Variants in SMAD7 observed in about 807,000 individuals in gnomAD.
The protein encoded by SMAD7 is SMAD family member 7.
SMAD7 carries 8 observed loss-of-function variants against 38.7 expected under a neutral mutation model. That is an observed-to-expected ratio of 0.21 (90% CI 0.12 to 0.37). The LOEUF is 0.37. SMAD7 is among the 10% of genes least tolerant of loss of function. The pLI is 1.00. For missense variants in SMAD7, 477 were observed against 577.9 expected (o/e 0.83, Z 1.79); for synonymous variants, 327 against 265.1 (o/e 1.23, Z -2.27).
intron 1 of SMAD7, 136 bp downstream of exon 1, chr18:48,949,676 G>A (rs1474249718): frequency 7.6e-6 from 7 of 923,642 alleles, no homozygotes; most frequent in Non-Finnish European, 9.3e-6. Context: ...ACTCTCCCAG[G>A]AGGGTATGCA....
At chr18:48,947,207 C>T (rs1041832029) in intron 2 of SMAD7, among the ~76,000 whole-genome samples, 4 of 152,180 alleles carry the variant, frequency 2.6e-5, no homozygotes, top group Non-Finnish European at 5.9e-5. Context: ...GCTTTGCGGG[C>T]CACTTATTAG....
At chr18:48,929,251 A>G (rs1239000468) in intron 3 of SMAD7, among the ~76,000 whole-genome samples, 1 of 152,160 alleles carries the variant, frequency 6.6e-6, no homozygotes, top group African/African-American at 2.4e-5. Flanking sequence ...AAGGGGGTTC[A>G]CATATTAGCA....
chr18:48,929,713 G>T (rs929463606), intron 3 of SMAD7, among the ~76,000 whole-genome samples: 10 of 152,052 alleles, frequency 6.6e-5, no homozygotes, highest in African/African-American at 1.9e-4. Context: ...CAGGTGGTGG[G>T]GGGGCTCTGT....
chr18:48,923,556 G>A (rs1411731588), intron 3 of SMAD7, among the ~76,000 whole-genome samples: 1 of 152,144 alleles, frequency 6.6e-6, no homozygotes, highest in Non-Finnish European at 1.5e-5. Context: ...TGCACACTGC[G>A]GCCTGCTGGG....
Position 48,950,435 on chromosome 18 carries a change from G to C in SMAD7, c.-11C>G. ...TTTGGTCCTGAACATGCGGGGCGAG[G>C]AGGCGAGGAGAAAAGTCGTTTGCCT... is the stretch of plus-strand genomic sequence containing the variant. On this transcript the variant is annotated 5_prime_UTR_variant, in exon 1 of 4. Coordinates refer to ENST00000262158, the MANE Select transcript of SMAD7 (RefSeq NM_005904.4). 1 of 1,544,636 alleles carries C rather than the reference G, an allele frequency of 6.5e-7. No individual in the cohort carries two copies. Among genetic ancestry groups the C allele is most frequent in the African/African-American group, 1.4e-5 (1 of 70,398 alleles).
At chr18:48,924,258 T>C (rs1568297750) in intron 3 of SMAD7, among the ~76,000 whole-genome samples, 1 of 152,066 alleles carries the variant, frequency 6.6e-6, no homozygotes, top group Non-Finnish European at 1.5e-5. Flanking sequence ...AGCCTCACAA[T>C]GCTTTGTTTC....
chr18:48,939,690 T>G (rs1280111585), intron 3 of SMAD7, among the ~76,000 whole-genome samples: 1 of 151,138 alleles, frequency 6.6e-6, no homozygotes, highest in African/African-American at 2.4e-5. Context: ...CTGAGCCCCA[T>G]TCATTAAGCC....
In SMAD7 at chr18:48,950,849, T is replaced by C. The variant is rs1349891972; in HGVS notation, c.-425A>G. The stretch of plus-strand genomic sequence containing the variant: ...GGCTCGCCAGCCTCGGCTTCCTACA[T>C]GGAAGGTCCGCGGGGGCAAAAAACG... On this transcript the variant is annotated 5_prime_UTR_variant, in exon 1 of 4. An upstream start codon of the reference 5' UTR is lost. Transcript: ENST00000262158. 2 of 151,012 alleles carry C rather than the reference T, an allele frequency of 1.3e-5. No homozygotes were observed. The highest frequency in any genetic ancestry group is 4.9e-5 in the African/African-American group (2 of 41,128). The allele number at this position is 151,012 out of a possible 1,614,324, so 9.4% of individuals were successfully genotyped here.
chr18:48,945,934 C>T (rs2070189856), intron 2 of SMAD7, among the ~76,000 whole-genome samples: 1 of 152,152 alleles, frequency 6.6e-6, no homozygotes, highest in African/African-American at 2.4e-5. Flanking sequence ...ACTGGCCTCC[C>T]CTAGGTTCAG....
chr18:48,938,947 G>A, intron 3 of SMAD7, among the ~76,000 whole-genome samples: 1 of 152,116 alleles, frequency 6.6e-6, no homozygotes, highest in Admixed American at 6.5e-5. Context: ...CAGAGAGTCA[G>A]GCACAGACTG....
At chr18:48,943,242 C>T (rs2070162314) in intron 2 of SMAD7, among the ~76,000 whole-genome samples, 9 of 152,316 alleles carry the variant, frequency 5.9e-5, no homozygotes. Flanking sequence ...TGGAAACCTT[C>T]CCAGGCAACC....
At position 48,949,913 on chromosome 18, in the gene SMAD7, G is replaced by A. The variant is rs1599238609; in HGVS notation, c.512C>T (p.Ser171Phe). The change falls in exon 1 of 4, where the codon TCC becomes TTC. Residue 171 changes from serine to phenylalanine, a missense_variant. This residue lies in a region of SMAD7 where 376 missense variants were observed against 379.4 expected (regional missense o/e 0.99). Transcript: ENST00000262158. Reference protein sequence around the residue: ...KVFRWPDLRHSSEVKRLCCCE... With the variant: ...KVFRWPDLRHFSEVKRLCCCE... Reference sequence around the variant, plus strand: ...GCAACACAGCCTCTTGACTTCCGAGGAATGCCTGAGATCCGGCCACCTGAA... The same window carrying A: ...GCAACACAGCCTCTTGACTTCCGAGAAATGCCTGAGATCCGGCCACCTGAA... The A allele has an allele frequency of 1.2e-6, 2 of 1,613,744 alleles. No homozygotes were observed. Among genetic ancestry groups the A allele is most frequent in the Non-Finnish European group, 1.7e-6 (2 of 1,179,922 alleles).
At chr18:48,946,706 C>T (rs2070199704) in intron 2 of SMAD7, among the ~76,000 whole-genome samples, 1 of 152,172 alleles carries the variant, frequency 6.6e-6, no homozygotes, top group Non-Finnish European at 1.5e-5. Context: ...TCTCTGTTTA[C>T]ACACATTTTG....
Position 48,949,999 on chromosome 18 carries a change from G to C in SMAD7, c.426C>G (p.Ala142=), listed in dbSNP as rs2070242815. Residue 142 remains alanine (A), a synonymous_variant, in exon 1 of 4, where the codon GCC becomes GCG. Transcript: ENST00000262158. ...LDCRLGPGAP[A]GAQPAQPPSS... ...AGGGCGGCTGCGCAGGCTGCGCGCCGGCGGGCGCCCCCGGGCCCAGCCTGC... is the reference window on the plus strand; with the variant it reads ...AGGGCGGCTGCGCAGGCTGCGCGCCCGCGGGCGCCCCCGGGCCCAGCCTGC... The C allele has an allele frequency of 6.3e-7, 1 of 1,584,660 alleles. No homozygotes were observed. Among genetic ancestry groups the C allele is most frequent in the Non-Finnish European group, 8.6e-7 (1 of 1,166,908 alleles).
chr18:48,945,628 TCG>T (rs2070186813), intron 2 of SMAD7, among the ~76,000 whole-genome samples: 4 of 152,146 alleles, frequency 2.6e-5, no homozygotes, highest in Non-Finnish European at 4.4e-5. Flanking sequence ...AAGAGGGACC[TCG>T]GTTAAGAGAG....
At chr18:48,948,592 T>A (rs1383570172) in intron 1 of SMAD7, 155 bp from the exon 2 acceptor site, 1 of 514,362 alleles carries the variant, frequency 1.9e-6, no homozygotes, top group Non-Finnish European at 3.5e-6. Context: ...GATATTTAGC[T>A]GTCAGATAAA....
At chr18:48,929,449 T>G (rs933018128) in intron 3 of SMAD7, among the ~76,000 whole-genome samples, 1 of 151,806 alleles carries the variant, frequency 6.6e-6, no homozygotes, top group Non-Finnish European at 1.5e-5. Flanking sequence ...ACCCTGAGAG[T>G]GTAGGAGATT....
chr18:48,922,159 C>A (rs1467786975), intron 3 of SMAD7, among the ~76,000 whole-genome samples: 1 of 152,180 alleles, frequency 6.6e-6, no homozygotes, highest in African/African-American at 2.4e-5. Flanking sequence ...ATCAGGAGTC[C>A]AGTACACCAG....
At chr18:48,947,496 T>C (rs923309827) in intron 2 of SMAD7, among the ~76,000 whole-genome samples, 1 of 152,210 alleles carries the variant, frequency 6.6e-6, no homozygotes, top group African/African-American at 2.4e-5. Context: ...CAAGTATTAA[T>C]GTTTTTTTCA....
Sources: gnomAD v4.1 joint callset for allele counts (sites outside exome capture counted in the v4.1 genomes callset) on GRCh38, gnomAD v4.1.1 for gene constraint, gnomAD v4.1.1 regional missense constraint, MANE v1.5 for transcripts, NCBI Gene and HGNC (gene_info 2026-07-23, HGNC 2026-07-21) for gene names.